Variants in AKT2 observed in about 807,000 individuals in gnomAD.
The protein encoded by AKT2 is RAC-beta serine/threonine-protein kinase.
In AKT2, 16 loss-of-function variants were observed where a neutral mutation model predicts 58.6. The observed-to-expected ratio is 0.27, with a 90% CI of 0.18 to 0.41. The LOEUF (loss-of-function observed/expected upper bound fraction) is 0.41. Among genes scored for constraint, AKT2 ranks in the 10% least tolerant of loss-of-function variants. The probability of loss-of-function intolerance (pLI) is 1.00; values close to 1 mark genes in which losing one functional copy is unlikely to be tolerated. For synonymous variants in AKT2, 253 were observed against 254.0 expected (o/e 1.00, Z 0.04); for missense variants, 438 against 661.0 (o/e 0.66, Z 3.70).
intron 1 of AKT2, among the ~76,000 whole-genome samples, chr19:40,280,074 G>A (rs148861135): frequency 1.3e-5 from 2 of 152,306 alleles, no homozygotes; most frequent in East Asian, 3.9e-4. Flanking sequence ...CCACACCTGA[G>A]CCCAACCAGA....
chr19:40,266,674 A>G (rs4558508), intron 1 of AKT2, among the ~76,000 whole-genome samples: 110,691 of 152,124 alleles, frequency 0.73, 40,482 homozygotes, highest in African/African-American at 0.79. Flanking sequence ...GCCGGGCACA[A>G]TGGCTCATGT....
intron 4 of AKT2, among the ~76,000 whole-genome samples, chr19:40,252,644 G>C (rs568881387): frequency 3.3e-5 from 5 of 152,290 alleles, no homozygotes; most frequent in Admixed American, 3.3e-4. Flanking sequence ...CTCCAGCTTC[G>C]AGCGCCTCCA....
At chr19:40,276,398 ACT>A (rs1420605619) in intron 1 of AKT2, among the ~76,000 whole-genome samples, 1 of 101,946 alleles carries the variant, frequency 9.8e-6, no homozygotes, top group Non-Finnish European at 1.8e-5. Flanking sequence ...ACAGAGTCTC[ACT>A]CTGTCGCCAG....
rs1298173099 is a variant in AKT2, at chr19:40,240,728, T to C, written c.574-618A>G. Reference sequence around the variant, plus strand: ...CCTGCAGCAACGTGAACACAGGCTCTCTCTGGGGCAAGTTTATCCCCAGGG... The same window carrying C: ...CCTGCAGCAACGTGAACACAGGCTCCCTCTGGGGCAAGTTTATCCCCAGGG... On this transcript the variant is annotated intron_variant, in intron 6 of 13. Transcript: ENST00000392038. 2.7e-5 allele frequency: 5 copies of C among 187,704 alleles called. 1 individual carries two copies. Among genetic ancestry groups the C allele is most frequent in the Admixed American group, 2.2e-4 (4 of 18,578 alleles). The allele number at this position is 187,704 out of a possible 1,614,324, so 11.6% of individuals were successfully genotyped here. A position where few individuals can be genotyped will look rare whatever the true frequency, so the allele number is the denominator to read the frequency against.
At chr19:40,275,416 C>T (rs939910777) in intron 1 of AKT2, 14 of 420,384 alleles carry the variant, frequency 3.3e-5, no homozygotes, top group Non-Finnish European at 6.8e-5. Context: ...AAGGCTAATA[C>T]TCAGTGAGCA....
chr19:40,264,069 G>A (rs1053596771), intron 2 of AKT2, among the ~76,000 whole-genome samples: 3 of 152,156 alleles, frequency 2.0e-5, no homozygotes, highest in Non-Finnish European at 4.4e-5. Flanking sequence ...ACTAACACGA[G>A]GATGGGATGT....
chr19:40,232,454 C>G lies in AKT2; in HGVS notation c.*1418G>C. On this transcript the variant is annotated 3_prime_UTR_variant, in exon 14 of 14. Coordinates refer to ENST00000392038, the MANE Select transcript of AKT2 (RefSeq NM_001626.6). ...CACAGAGGAAAAAGACCCTCACCCACCCGAACCAACCCCACCCCTCCCCAC... is the reference window on the plus strand; with the variant it reads ...CACAGAGGAAAAAGACCCTCACCCAGCCGAACCAACCCCACCCCTCCCCAC... 4.3e-6 allele frequency: 1 copy of G among 233,588 alleles called. No individual in the cohort carries two copies. The highest frequency in any genetic ancestry group is 8.5e-6 in the Non-Finnish European group (1 of 118,120). 14.5% of individuals were successfully genotyped at this position (233,588 alleles called of 1,614,324 possible).
rs1337987057 is a variant in AKT2, at chr19:40,234,919, T to C, written c.1366+126A>G. 2 of 918,554 alleles carry C rather than the reference T, an allele frequency of 2.2e-6. No homozygotes were observed. Among genetic ancestry groups the C allele is most frequent in the Non-Finnish European group, 3.5e-6 (2 of 572,476 alleles). The allele number at this position is 918,554 out of a possible 1,614,324, so 56.9% of individuals were successfully genotyped here. Reference sequence around the variant, plus strand: ...ACAGCAAAAGGGCCTGAGAGCAGACTTGGGGAAATCTCCCAGACATGAAGC... The same window carrying C: ...ACAGCAAAAGGGCCTGAGAGCAGACCTGGGGAAATCTCCCAGACATGAAGC... On this transcript the variant is annotated intron_variant, in intron 13 of 13. Transcript: ENST00000392038. The surrounding 1 kb of genome is among the most constrained non-coding windows in gnomAD (Gnocchi z 4.7).
At chr19:40,239,089 G>A (rs1440421293) in intron 7 of AKT2, 116 bp from the exon 8 acceptor site, 3 of 1,088,818 alleles carry the variant, frequency 2.8e-6, no homozygotes, top group Middle Eastern at 2.5e-4. Context: ...CCCTGGCTGG[G>A]GCCCCCAGGA....
intron 1 of AKT2, 181 bp from the exon 2 acceptor site, chr19:40,265,532 TC>T: frequency 1.2e-6 from 1 of 807,716 alleles, no homozygotes; most frequent in Non-Finnish European, 1.9e-6. Flanking sequence ...TGTGGCAATG[TC>T]CCCAGCGACC....
In AKT2 at chr19:40,231,570, G is replaced by T. The variant is rs911610188; in HGVS notation, c.*2302C>A. ...AATGGGTGTGAAGTGCTAACACCTT[G>T]CGGCAAAATCTCAAATTCATCTGTG... On this transcript the variant is annotated 3_prime_UTR_variant, in exon 14 of 14. Coordinates refer to ENST00000392038, the MANE Select transcript of AKT2 (RefSeq NM_001626.6). 1 of 233,206 alleles carries T rather than the reference G, an allele frequency of 4.3e-6. No individual in the cohort carries two copies. Among genetic ancestry groups the T allele is most frequent in the East Asian group, 6.0e-5 (1 of 16,608 alleles). 14.4% of individuals were successfully genotyped at this position (233,206 alleles called of 1,614,324 possible).
At chr19:40,256,827 G>T in intron 3 of AKT2, 99 bp downstream of exon 3, 1 of 1,567,812 alleles carries the variant, frequency 6.4e-7, no homozygotes. Flanking sequence ...GCAGGCCCAG[G>T]ACAGGCCCAT....
At position 40,235,054 on chromosome 19, in the gene AKT2, G is replaced by T. The variant is rs1278736092; in HGVS notation, c.1357C>A (p.Pro453Thr). 4 of 1,614,034 alleles carry T rather than the reference G, an allele frequency of 2.5e-6. No individual in the cohort carries two copies. The Admixed American group carries it at 6.7e-5, about 27-fold the overall frequency. ...FTAQSITITP[P>T]DRYDSLGLLE... ...GGCCCCAGGCACTCACAGCGGTCAG[G>T]GGGTGTGATTGTGATGGACTGGGCG... The change falls in exon 13 of 14, where the codon CCT becomes ACT. Residue 453 changes from proline (P) to threonine (T), a missense_variant. Physicochemically the swap from Pro to Thr is conservative, Grantham distance 38. Transcript: ENST00000392038. The surrounding 1 kb of genome is among the most constrained non-coding windows in gnomAD (Gnocchi z 6.3).
At position 40,234,870 on chromosome 19, in the gene AKT2, C is replaced by T. The variant is rs1421066809; in HGVS notation, c.1366+175G>A. ...TGCTGCAGTCAATGGCTCCTGGTGG[C>T]CTCACCAGGTCCAAAGAGGACCAAC... On this transcript the variant is annotated intron_variant, in intron 13 of 13. Transcript: ENST00000392038. The surrounding 1 kb of genome is among the most constrained non-coding windows in gnomAD (Gnocchi z 4.7). 1 of 710,200 alleles carries T rather than the reference C, an allele frequency of 1.4e-6. No homozygotes were observed. Among genetic ancestry groups the T allele is most frequent in the East Asian group, 2.7e-5 (1 of 37,140 alleles). 44.0% of individuals were successfully genotyped at this position (710,200 alleles called of 1,614,324 possible). A position where few individuals can be genotyped will look rare whatever the true frequency, so the allele number is the denominator to read the frequency against.
In AKT2 at chr19:40,242,489, G is replaced by C. The variant is rs1223946349; in HGVS notation, c.441+45C>G. On this transcript the variant is annotated intron_variant, in intron 5 of 13. Transcript: ENST00000392038. This position sits in a 1 kb window ranked among gnomAD's most constrained non-coding sequence, Gnocchi z 4.3. Reference sequence around the variant, plus strand: ...GGAGAGCAGGCCAGCACTGGGGGTGGGGGCACCGCAGGCTGGCAGCCCCAC... The same window carrying C: ...GGAGAGCAGGCCAGCACTGGGGGTGCGGGCACCGCAGGCTGGCAGCCCCAC... 6.2e-7 allele frequency: 1 copy of C among 1,610,972 alleles called. No individual in the cohort carries two copies.
At chr19:40,252,223 T>G (rs1188420590) in intron 4 of AKT2, among the ~76,000 whole-genome samples, 2 of 152,122 alleles carry the variant, frequency 1.3e-5, no homozygotes, top group Non-Finnish European at 2.9e-5. Context: ...AGGAGCAGAG[T>G]GGAGGGGGCC....
chr19:40,247,146 AGAT>A (rs1974810109), intron 4 of AKT2, among the ~76,000 whole-genome samples: 2 of 152,220 alleles, frequency 1.3e-5, no homozygotes, highest in Non-Finnish European at 2.9e-5. Context: ...TCAGAATTCC[AGAT>A]GAAAAGCAAG....
chr19:40,280,711 G>A (rs1229678669), intron 1 of AKT2: 1 of 152,550 alleles, frequency 6.6e-6, no homozygotes, highest in Non-Finnish European at 1.5e-5. Context: ...CCTCCCTTCA[G>A]ACCTTTGCAC....
At chr19:40,259,620 C>T (rs1975796833) in intron 2 of AKT2, among the ~76,000 whole-genome samples, 2 of 152,148 alleles carry the variant, frequency 1.3e-5, no homozygotes. Flanking sequence ...CATGAAAGGA[C>T]ACTGTCAAGA....
Sources: allele counts gnomAD v4.1 joint callset (sites outside exome capture counted in the v4.1 genomes callset), GRCh38; gene constraint gnomAD v4.1.1; non-coding constraint Gnocchi (gnomAD v3.1); transcripts MANE v1.5; gene names NCBI Gene and HGNC (gene_info 2026-07-23, HGNC 2026-07-21).